CHLSN: variants seen among roughly 807,000 people sequenced by gnomAD.
The protein encoded by CHLSN is protein cholesin.
chr7:1,032,079 G>A, the CHLSN span, among the ~76,000 whole-genome samples: 4 of 152,210 alleles, frequency 2.6e-5, no homozygotes, highest in South Asian at 2.1e-4. Context: ...TATGTCTGAC[G>A]CATTCTTTTA....
the CHLSN span, among the ~76,000 whole-genome samples, chr7:1,100,405 G>C: frequency 6.6e-6 from 1 of 152,230 alleles, no homozygotes; most frequent in Non-Finnish European, 1.5e-5. Context: ...CACACCTGTG[G>C]GTGCAGGCCA....
At chr7:1,093,194 C>T in the CHLSN span, 4 of 525,702 alleles carry the variant, frequency 7.6e-6, no homozygotes, top group Non-Finnish European at 1.5e-5. Context: ...ACATTTCTGA[C>T]ACCGTCGACC....
chr7:1,076,436 C>A, the CHLSN span, among the ~76,000 whole-genome samples: 1 of 152,326 alleles, frequency 6.6e-6, no homozygotes, highest in Non-Finnish European at 1.5e-5. Flanking sequence ...CAGGCATGGG[C>A]TCTGGGGAGG....
the CHLSN span, among the ~76,000 whole-genome samples, chr7:1,015,433 T>C: frequency 2.0e-5 from 3 of 152,138 alleles, no homozygotes; most frequent in Non-Finnish European, 2.9e-5. Flanking sequence ...AGAGGCTGGG[T>C]TCATGCAAGC....
chr7:1,086,195 G>C, the CHLSN span, among the ~76,000 whole-genome samples: 1 of 152,274 alleles, frequency 6.6e-6, no homozygotes, highest in Admixed American at 6.5e-5. Context: ...GGGATGGGCA[G>C]AGAGACCAGA....
At chr7:1,011,314 C>A in the CHLSN span, among the ~76,000 whole-genome samples, 1 of 147,594 alleles carries the variant, frequency 6.8e-6, no homozygotes, top group Non-Finnish European at 1.5e-5. Flanking sequence ...CGCCCAGACA[C>A]CCCCACATGC....
the CHLSN span, among the ~76,000 whole-genome samples, chr7:1,134,224 G>A: frequency 2.0e-5 from 3 of 150,536 alleles, no homozygotes; most frequent in Non-Finnish European, 4.4e-5. Context: ...AGTGAATCAC[G>A]ATCACGCCAT....
At chr7:1,119,812 G>A in the CHLSN span, among the ~76,000 whole-genome samples, 2 of 151,834 alleles carry the variant, frequency 1.3e-5, no homozygotes, top group African/African-American at 2.4e-5. Flanking sequence ...GGGAGGCAGA[G>A]GTTGCGGTGA....
At chr7:1,022,370 C>T in the CHLSN span, among the ~76,000 whole-genome samples, 27 of 152,238 alleles carry the variant, frequency 1.8e-4, no homozygotes, top group Admixed American at 1.7e-3. Context: ...GGCACCCGTA[C>T]GGATTCTGTT....
the CHLSN span, among the ~76,000 whole-genome samples, chr7:1,034,392 GT>G: frequency 0.19 from 28,520 of 148,826 alleles, 2,915 homozygotes; most frequent in Admixed American, 0.24. Context: ...AAATTTCAGG[GT>G]TTTTTTTTTT....
the CHLSN span, among the ~76,000 whole-genome samples, chr7:1,097,511 T>A: frequency 6.9e-6 from 1 of 144,642 alleles, no homozygotes; most frequent in Admixed American, 6.9e-5. This position sits in a 1 kb window ranked among gnomAD's most constrained non-coding sequence, Gnocchi z 4.3. Flanking sequence ...AAAGAATGCA[T>A]GAATGGGAAG....
At chr7:1,019,212 C>T in the CHLSN span, among the ~76,000 whole-genome samples, 3 of 18,788 alleles carry the variant, frequency 1.6e-4, no homozygotes, top group Non-Finnish European at 3.5e-4. Flanking sequence ...AAAAAAAAAA[C>T]GGGGGGGGGG....
chr7:1,100,468 A>G, the CHLSN span, among the ~76,000 whole-genome samples: 1 of 152,240 alleles, frequency 6.6e-6, no homozygotes, highest in Non-Finnish European at 1.5e-5. Context: ...CGTGCGGCCC[A>G]TCTCCGCGGC....
At chr7:1,016,196 G>A in the CHLSN span, among the ~76,000 whole-genome samples, 1 of 77,316 alleles carries the variant, frequency 1.3e-5, no homozygotes, top group Non-Finnish European at 2.4e-5. Flanking sequence ...CCAGCACACA[G>A]CAGCGCACGC....
chr7:1,119,112 C>T, the CHLSN span, among the ~76,000 whole-genome samples: 17 of 151,910 alleles, frequency 1.1e-4, no homozygotes, highest in South Asian at 8.3e-4. Context: ...ATTAGCCAGG[C>T]GTGGTGGCAC....
the CHLSN span, among the ~76,000 whole-genome samples, chr7:1,008,844 C>CACGTAA: frequency 7.2e-6 from 1 of 139,136 alleles, no homozygotes; most frequent in Non-Finnish European, 1.6e-5. Context: ...TATACACACG[C>CACGTAA]ACACACGTAA....
the CHLSN span, chr7:1,093,524 C>T: frequency 4.2e-6 from 2 of 470,990 alleles, no homozygotes; most frequent in Non-Finnish European, 8.8e-6. Context: ...AGGAAGGCCC[C>T]TCTGTGGAGC....
the CHLSN span, among the ~76,000 whole-genome samples, chr7:1,052,983 A>G: frequency 6.6e-6 from 1 of 152,132 alleles, no homozygotes; most frequent in African/African-American, 2.4e-5. This position sits in a 1 kb window ranked among gnomAD's most constrained non-coding sequence, Gnocchi z 4.2. Context: ...TAAGTCTCCC[A>G]TCACCTGGCT....
the CHLSN span, among the ~76,000 whole-genome samples, chr7:1,009,085 C>T: frequency 1.1e-4 from 16 of 149,882 alleles, 1 homozygote; most frequent in South Asian, 3.4e-3. Flanking sequence ...CACATCCACG[C>T]AGGCCCCGCT....
Sources: gnomAD v4.1 joint callset for allele counts (sites outside exome capture counted in the v4.1 genomes callset) on GRCh38, gnomAD v4.1.1 for gene constraint, Gnocchi (gnomAD v3.1) non-coding constraint, MANE v1.5 for transcripts, NCBI Gene and HGNC (gene_info 2026-07-23, HGNC 2026-07-21) for gene names.